SPTBN5: variants seen among roughly 807,000 people sequenced by gnomAD.
The protein encoded by SPTBN5 is spectrin beta, non-erythrocytic 5.
Under a neutral mutation model 477.6 loss-of-function variants are expected in SPTBN5, and 513 were observed. The observed-to-expected ratio is 1.07, with a 90% CI of 1.00 to 1.16. SPTBN5 has a LOEUF of 1.16. SPTBN5 is among the 50% of genes most tolerant of loss of function. The probability of loss-of-function intolerance (pLI) is 0.00; values close to 1 mark genes in which losing one functional copy is unlikely to be tolerated. For missense variants in SPTBN5, 5,062 were observed against 4,731.8 expected, an observed-to-expected ratio of 1.07 and a Z score of -2.05; for synonymous variants, 2,169 against 2,011.7, an observed-to-expected ratio of 1.08 and a Z score of -2.09.
At chr15:41,856,662 C>A in intron 52 of SPTBN5, 64 bp from the exon 53 acceptor site, 1 of 1,462,780 alleles carries the variant, frequency 6.8e-7, no homozygotes, top group Non-Finnish European at 9.1e-7. Context: ...CACAGTTGTG[C>A]TTGAAGTTTC....
rs1405608178 is a variant in SPTBN5 at position 41,870,548 on chromosome 15, C to T, written c.5460G>A (p.Ser1820=). The T allele has an allele frequency of 6.8e-6, 11 of 1,608,544 alleles. No individual in the cohort carries two copies. Among genetic ancestry groups the T allele is most frequent in the Admixed American group, 5.0e-5 (3 of 59,994 alleles). Residue 1820 remains serine, a synonymous_variant, in exon 30 of 68, where the codon TCG becomes TCA. Coordinates refer to ENST00000320955, the MANE Select transcript of SPTBN5 (RefSeq NM_016642.4). ...GGGCCTGGGTCAGCTCCCACAGCTC[C>T]GACCAGGCGGTCCTGCCCACGGCGT... ...QRQQDLQTAW[S]ELWELTQARG...
At chr15:41,857,768 T>G in intron 49 of SPTBN5, 58 bp from the exon 50 acceptor site, 1 of 1,508,966 alleles carries the variant, frequency 6.6e-7, no homozygotes, top group Non-Finnish European at 8.9e-7. Context: ...ACCAGGGCAC[T>G]TGTGTTGACT....
intron 66 of SPTBN5, 49 bp downstream of exon 66, chr15:41,850,805 G>A: frequency 6.7e-7 from 1 of 1,500,468 alleles, no homozygotes; most frequent in Non-Finnish European, 9.0e-7. Context: ...CAGGAGCTTG[G>A]GGCCCAGGGA....
rs1197682 is a variant in SPTBN5 at position 41,879,285 on chromosome 15, G to A, written c.3157C>T (p.His1053Tyr). 100,248 of 1,611,766 alleles carry A rather than the reference G, an allele frequency of 0.062. 4,526 individuals carry two copies. Among genetic ancestry groups the A allele is most frequent in the African/African-American group, 0.2 (15,009 of 74,976 alleles). The change falls in exon 16 of 68, where the codon CAC becomes TAC. Residue 1053 changes from histidine to tyrosine, a missense_variant. Physicochemically the swap from His to Tyr is moderately conservative, Grantham distance 83 (BLOSUM62 2). Coordinates refer to ENST00000320955, the MANE Select transcript of SPTBN5 (RefSeq NM_016642.4). ...KKTLVLERRV[H>Y]FLQSVVVKVE... ...TTTACGACCACACTTTGGAGGAAGT[G>A]GACCCTCCTCTCCAGCACCAGGGTC...
chr15:41,884,412 G>A (rs1161567955), intron 7 of SPTBN5, among the ~76,000 whole-genome samples: 1 of 152,194 alleles, frequency 6.6e-6, no homozygotes, highest in Non-Finnish European at 1.5e-5. Context: ...GAGCCACCAG[G>A]CCCGGCCTAA....
Position 41,874,964 on chromosome 15 carries a change from C to A in SPTBN5, c.4380G>T (p.Arg1460=). ...GGCTCTCACTCTCCAGCTGTTGGTG[C>A]CGTTTCTGCAGCCTCTGGCTGGAGC... ...DLRSSQRLQK[R]HQQLESESRT... is the part of the protein sequence containing the mutation. Residue 1460 remains arginine, a synonymous_variant, in exon 23 of 68, where the codon CGG becomes CGT. Coordinates refer to ENST00000320955, the MANE Select transcript of SPTBN5 (RefSeq NM_016642.4). The A allele has an allele frequency of 6.2e-7, 1 of 1,613,720 alleles. No individual in the cohort carries two copies. Among genetic ancestry groups the A allele is most frequent in the African/African-American group, 1.3e-5 (1 of 75,056 alleles).
At chr15:41,864,584 G>C (rs2066234067) in intron 39 of SPTBN5, among the ~76,000 whole-genome samples, 1 of 152,226 alleles carries the variant, frequency 6.6e-6, no homozygotes, top group Admixed American at 6.5e-5. Flanking sequence ...AAACTGCTGG[G>C]ATTACAAGCG....
Position 41,853,726 on chromosome 15 carries a change from C to G in SPTBN5, c.9836G>C (p.Gly3279Ala). The G allele has an allele frequency of 6.3e-7, 1 of 1,591,188 alleles. No individual in the cohort carries two copies. The highest frequency in any genetic ancestry group is 8.6e-7 in the Non-Finnish European group (1 of 1,169,434). ...CCCCGGAGCTGCAGGATGTAGCTGG[C>G]CCAGTCGGCAGGCCTCCGTCTGTAG... ...ARLQTEACRLGQLHPAAPGGL... is the reference protein window; with the variant it reads ...ARLQTEACRLAQLHPAAPGGL... Residue 3279 changes from glycine to alanine, a missense_variant, in exon 58 of 68, where the codon GGC becomes GCC. Gly to Ala is a moderately conservative substitution (Grantham distance 60, BLOSUM62 0). Coordinates refer to ENST00000320955, the MANE Select transcript of SPTBN5 (RefSeq NM_016642.4).
At chr15:41,893,645 G>C in intron 1 of SPTBN5, 99 bp from the exon 2 acceptor site, 1 of 1,397,012 alleles carries the variant, frequency 7.2e-7, no homozygotes, top group Non-Finnish European at 9.4e-7. Flanking sequence ...CATTTCATGG[G>C]GGTTGCAGCT....
Position 41,854,167 on chromosome 15 carries a change from C to G in SPTBN5, c.9657G>C (p.Gln3219His). Reference protein sequence around the residue: ...AAAHEVHSFQQAAAELQGRMQ... With the variant: ...AAAHEVHSFQHAAAELQGRMQ... The stretch of plus-strand genomic sequence containing the variant: ...TCCTTCCCTGGAGCTCAGCTGCTGC[C>G]TGCTGAAAGCTGTGGACCTCATGGG... Residue 3219 changes from glutamine (Q) to histidine (H), a missense_variant, in exon 57 of 68, where the codon CAG (glutamine) becomes CAC (histidine). Gln to His is a conservative substitution (Grantham distance 24). Transcript: ENST00000320955. 6.3e-7 allele frequency: 1 copy of G among 1,599,412 alleles called. No individual in the cohort carries two copies. Among genetic ancestry groups the G allele is most frequent in the South Asian group, 1.1e-5 (1 of 88,082 alleles).
Position 41,853,767 on chromosome 15 carries a change from C to T in SPTBN5, c.9795G>A (p.Glu3265=), listed in dbSNP as rs1278908808. Residue 3265 remains glutamate, a synonymous_variant, in exon 58 of 68, where the codon GAG becomes GAA. Coordinates refer to ENST00000320955, the MANE Select transcript of SPTBN5 (RefSeq NM_016642.4). ...CCGTCTGTAGCCGTGCCACCTCCTT[C>T]TCCATAGCTTCCAGCTCTCTCTGCA... ...RRLERELEAM[E]KEVARLQTEA... is the part of the protein sequence containing the mutation. The T allele has an allele frequency of 6.4e-7, 1 of 1,572,854 alleles. No individual in the cohort carries two copies. The highest frequency in any genetic ancestry group is 8.6e-7 in the Non-Finnish European group (1 of 1,159,394).
chr15:41,890,298 G>A, intron 3 of SPTBN5, 93 bp from the exon 4 acceptor site: 2 of 828,016 alleles, frequency 2.4e-6, no homozygotes, highest in Non-Finnish European at 2.0e-6. Flanking sequence ...CGGGATGGGA[G>A]CATCCTGGAA....
At position 41,856,865 on chromosome 15, in the gene SPTBN5, C is replaced by T; in HGVS notation, c.8796G>A (p.Gln2932=). The T allele has an allele frequency of 6.5e-7, 1 of 1,547,168 alleles. No homozygotes were observed. The highest frequency in any genetic ancestry group is 1.2e-5 in the South Asian group (1 of 84,016). Residue 2932 remains glutamine (Q), a synonymous_variant, in exon 52 of 68, where the codon CAG becomes CAA. Coordinates refer to ENST00000320955, the MANE Select transcript of SPTBN5 (RefSeq NM_016642.4). Reference sequence around the variant, plus strand: ...GGTGGGCCCACACCTGGTGCTGCTCCTGCAGGTGCCGCACCGCACTCAGGC... The same window carrying T: ...GGTGGGCCCACACCTGGTGCTGCTCTTGCAGGTGCCGCACCGCACTCAGGC... ...GQSLSAVRHL[Q]EQHQNLESEM...
Position 41,850,513 on chromosome 15 carries a change from A to G in SPTBN5, c.10921+341T>C, listed in dbSNP as rs886538807. 6 of 319,002 alleles carry G rather than the reference A, an allele frequency of 1.9e-5. No individual in the cohort carries two copies. The East Asian group carries it at 2.4e-4, about 13-fold the overall frequency. 19.8% of individuals were successfully genotyped at this position (319,002 alleles called of 1,614,324 possible). A position where few individuals can be genotyped will look rare whatever the true frequency, so the allele number is the denominator to read the frequency against. On this transcript the variant is annotated intron_variant, in intron 66 of 67. Transcript: ENST00000320955. ...GAGAAGCACCCAGATCAGACAGAAC[A>G]GAGCCTGGAAAGCCCTTGGAGGAAC...
At position 41,887,536 on chromosome 15, in the gene SPTBN5, C is replaced by T; in HGVS notation, c.660-95G>A. 6 of 977,218 alleles carry T rather than the reference C, an allele frequency of 6.1e-6. 1 individual carries two copies. In the South Asian group the frequency reaches 8.9e-5, roughly 14 times the overall value. 60.5% of individuals were successfully genotyped at this position (977,218 alleles called of 1,614,324 possible). On this transcript the variant is annotated intron_variant, in intron 5 of 67. Coordinates refer to ENST00000320955, the MANE Select transcript of SPTBN5 (RefSeq NM_016642.4). ...TGCACTCATGCTCCTATTGGCCATT[C>T]ACATCTTCTTGTGAATTCGTTTTCC...
intron 4 of SPTBN5, among the ~76,000 whole-genome samples, chr15:41,888,746 C>T (rs889403550): frequency 1.3e-5 from 2 of 152,242 alleles, no homozygotes; most frequent in African/African-American, 4.8e-5. Context: ...CAGGTGTTAG[C>T]CACCATGCCC....
rs1384869208 is a variant in SPTBN5, at chr15:41,867,607, C to T, written c.6243G>A (p.Val2081=). The change falls in exon 35 of 68, where the codon GTG becomes GTA. Residue 2081 remains valine (V), a synonymous_variant. Coordinates refer to ENST00000320955, the MANE Select transcript of SPTBN5 (RefSeq NM_016642.4). ...TGCGAATCAACTGCTCTACCTCTTC[C>T]ACCGAGCTCCCCAAGGCACTGGTTT... is the stretch of plus-strand genomic sequence containing the variant. ...SLKTSALGSS[V]EEVEQLIRKH... 6.2e-7 allele frequency: 1 copy of T among 1,613,724 alleles called. No individual in the cohort carries two copies. Among genetic ancestry groups the T allele is most frequent in the African/African-American group, 1.3e-5 (1 of 74,932 alleles).
intron 36 of SPTBN5, 25 bp downstream of exon 36, chr15:41,866,933 GC>G: frequency 6.4e-7 from 1 of 1,554,056 alleles, no homozygotes; most frequent in Non-Finnish European, 8.7e-7. Flanking sequence ...CCAGTGGAAG[GC>G]CCTGGGCTGG....
chr15:41,872,607 C>T, intron 26 of SPTBN5, 148 bp from the exon 27 acceptor site: 1 of 822,658 alleles, frequency 1.2e-6, no homozygotes, highest in Non-Finnish European at 1.9e-6. Context: ...CATCCACCCA[C>T]CCAGCATCCA....
Sources: gnomAD v4.1 joint callset for allele counts (sites outside exome capture counted in the v4.1 genomes callset) on GRCh38, gnomAD v4.1.1 for gene constraint, MANE v1.5 for transcripts, NCBI Gene and HGNC (gene_info 2026-07-23, HGNC 2026-07-21) for gene names.